The following PLCB1 variants were observed in gnomAD, a reference collection of about 807,000 sequenced individuals.
PLCB1 encodes the protein phospholipase C beta 1, also known as 1-phosphatidylinositol 4,5-bisphosphate phosphodiesterase beta-1.
In PLCB1, 46 loss-of-function variants were observed where a neutral mutation model predicts 161.8. The ratio of observed to expected loss-of-function variants is 0.28; its 90% CI spans 0.22 to 0.36. PLCB1 has a LOEUF of 0.36. Among genes scored for constraint, PLCB1 ranks in the 10% least tolerant of loss-of-function variants. PLCB1 has a pLI of 1.00. For synonymous variants in PLCB1, 517 were observed against 503.7 expected (o/e 1.03, Z -0.35); for missense variants, 1,016 against 1,472.5 (o/e 0.69, Z 5.07).
At chr20:8,151,726 T>C (rs1447774917) in intron 2 of PLCB1, among the ~76,000 whole-genome samples, 2 of 152,184 alleles carry the variant, frequency 1.3e-5, no homozygotes, top group Non-Finnish European at 2.9e-5. Context: ...TGAAACTATA[T>C]TCATGAACGA....
chr20:8,246,261 A>G (rs1006764781), intron 2 of PLCB1, among the ~76,000 whole-genome samples: 2 of 152,054 alleles, frequency 1.3e-5, no homozygotes, highest in African/African-American at 2.4e-5. Flanking sequence ...GCTTAGCAGC[A>G]GGGTTCTTCT....
chr20:8,198,339 G>C (rs1182599493), intron 2 of PLCB1, among the ~76,000 whole-genome samples: 1 of 152,112 alleles, frequency 6.6e-6, no homozygotes, highest in African/African-American at 2.4e-5. Context: ...ATTTCGCTGA[G>C]CAGTGGTTTG....
At chr20:8,240,131 C>T (rs1334462225) in intron 2 of PLCB1, among the ~76,000 whole-genome samples, 2 of 151,526 alleles carry the variant, frequency 1.3e-5, no homozygotes, top group East Asian at 1.9e-4. Flanking sequence ...TAATTACAAC[C>T]ATAATCTATG....
At chr20:8,278,683 T>C (rs1341492146) in intron 2 of PLCB1, among the ~76,000 whole-genome samples, 1 of 152,082 alleles carries the variant, frequency 6.6e-6, no homozygotes, top group African/African-American at 2.4e-5. Flanking sequence ...TAAATTTTCT[T>C]ACAATAGCAA....
At chr20:8,245,575 G>T (rs1980838116) in intron 2 of PLCB1, among the ~76,000 whole-genome samples, 1 of 151,848 alleles carries the variant, frequency 6.6e-6, no homozygotes, top group African/African-American at 2.4e-5. Flanking sequence ...CAGTGAGAAA[G>T]CTTTGGCCTC....
chr20:8,572,936 T>C (rs1986566963), intron 3 of PLCB1, among the ~76,000 whole-genome samples: 1 of 152,136 alleles, frequency 6.6e-6, no homozygotes, highest in Non-Finnish European at 1.5e-5. Flanking sequence ...TATTAGTATT[T>C]ATATATTTAA....
At chr20:8,137,359 G>C (rs935473468) in intron 1 of PLCB1, among the ~76,000 whole-genome samples, 4 of 152,220 alleles carry the variant, frequency 2.6e-5, no homozygotes, top group Non-Finnish European at 4.4e-5. Flanking sequence ...GGGAAACAGG[G>C]AGGAAACTTC....
At chr20:8,575,104 A>G (rs1364378525) in intron 3 of PLCB1, among the ~76,000 whole-genome samples, 1 of 152,210 alleles carries the variant, frequency 6.6e-6, no homozygotes, top group Non-Finnish European at 1.5e-5. Context: ...AAGGACATGG[A>G]GGCTCAGTGA....
At chr20:8,821,525 A>T (rs926418003) in intron 31 of PLCB1, among the ~76,000 whole-genome samples, 1 of 40,580 alleles carries the variant, frequency 2.5e-5, no homozygotes, top group Non-Finnish European at 4.6e-5. Context: ...ATATATATAT[A>T]TATATATATA....
At chr20:8,446,706 C>T (rs1568680057) in intron 3 of PLCB1, among the ~76,000 whole-genome samples, 1 of 152,090 alleles carries the variant, frequency 6.6e-6, no homozygotes, top group East Asian at 1.9e-4. Flanking sequence ...GTTAGGAACA[C>T]ATAGGAAAAA....
At chr20:8,372,145 G>T (rs935954446) in intron 3 of PLCB1, 2 of 152,128 alleles carry the variant, frequency 1.3e-5, no homozygotes, top group Non-Finnish European at 2.9e-5. Flanking sequence ...TTAAAATTTA[G>T]TACTTTACAT....
intron 11 of PLCB1, among the ~76,000 whole-genome samples, chr20:8,705,864 TC>T (rs1324571237): frequency 2.6e-5 from 4 of 152,226 alleles, no homozygotes; most frequent in Non-Finnish European, 5.9e-5. Context: ...AATTTGGATT[TC>T]ATTCCATGTG....
At chr20:8,697,448 A>G (rs1210106577) in intron 10 of PLCB1, among the ~76,000 whole-genome samples, 178 bp from the exon 11 acceptor site, 2 of 152,196 alleles carry the variant, frequency 1.3e-5, no homozygotes, top group African/African-American at 4.8e-5. Flanking sequence ...ACTACTACAG[A>G]TTCTATTTGA....
At chr20:8,607,565 C>A (rs1027982520) in intron 3 of PLCB1, among the ~76,000 whole-genome samples, 4 of 152,284 alleles carry the variant, frequency 2.6e-5, no homozygotes, top group South Asian at 2.1e-4. Context: ...CCTCCTGGAA[C>A]TTTCTTCTCT....
intron 31 of PLCB1, among the ~76,000 whole-genome samples, chr20:8,823,561 C>T (rs960330815): frequency 7.9e-5 from 12 of 152,186 alleles, no homozygotes; most frequent in Admixed American, 1.3e-4. Context: ...CTAATCAATT[C>T]GTGTACACTT....
chr20:8,778,599 G>T (rs1159645524), intron 27 of PLCB1, among the ~76,000 whole-genome samples: 4 of 152,108 alleles, frequency 2.6e-5, no homozygotes, highest in Non-Finnish European at 5.9e-5. Context: ...TAAAAGTTTT[G>T]AAGACTGTTC....
intron 3 of PLCB1, among the ~76,000 whole-genome samples, chr20:8,482,092 A>ATTTTTTTTTTTTTT (rs199634903): frequency 1.7e-4 from 18 of 104,882 alleles, no homozygotes; most frequent in Admixed American, 3.0e-4. Flanking sequence ...GCTTGAAGGA[A>ATTTTTTTTTTTTTT]TTTTTTTTTT....
Position 8,757,175 on chromosome 20 carries a change from C to T in PLCB1, c.2653C>T (p.Pro885Ser). The change falls in exon 24 of 32, where the codon CCA (proline) becomes TCA (serine). Residue 885 changes from proline to serine, a missense_variant. Physicochemically the swap from Pro to Ser is moderately conservative, Grantham distance 74 (BLOSUM62 -1). This residue lies in a region of PLCB1 where 398 missense variants were observed against 445.4 expected (regional missense o/e 0.89). Transcript: ENST00000338037. Reference sequence around the variant, plus strand: ...CCAGGCTCTCCACAGCCAGCCAGCTCCAGGTAAGCCATCTGGAAAGAGCTG... The same window carrying T: ...CCAGGCTCTCCACAGCCAGCCAGCTTCAGGTAAGCCATCTGGAAAGAGCTG... ...PSQALHSQPAPGSVKAPAKTE... is the reference protein window; with the variant it reads ...PSQALHSQPASGSVKAPAKTE... 1.2e-6 allele frequency: 2 copies of T among 1,608,080 alleles called. No homozygotes were observed. Among genetic ancestry groups the T allele is most frequent in the Non-Finnish European group, 1.7e-6 (2 of 1,177,742 alleles).
intron 2 of PLCB1, among the ~76,000 whole-genome samples, chr20:8,318,588 A>T (rs1195200464): frequency 6.6e-6 from 1 of 152,178 alleles, no homozygotes; most frequent in East Asian, 1.9e-4. Context: ...TAGAAGATGC[A>T]CGGAAAATGT....
Sources: allele counts gnomAD v4.1 joint callset (sites outside exome capture counted in the v4.1 genomes callset), GRCh38; gene constraint gnomAD v4.1.1; regional missense constraint gnomAD v4.1.1; transcripts MANE v1.5; gene names NCBI Gene and HGNC (gene_info 2026-07-23, HGNC 2026-07-21).